Variants in PCDH15 observed in about 807,000 individuals in gnomAD.
PCDH15 encodes protocadherin related 15, also known as protocadherin-15.
PCDH15 carries 129 observed loss-of-function variants against 178.5 expected under a neutral mutation model. The observed-to-expected ratio is 0.72, with a 90% CI of 0.63 to 0.84. The LOEUF (loss-of-function observed/expected upper bound fraction) is 0.84. Among genes scored for constraint, PCDH15 ranks in the 40% least tolerant of loss-of-function variants. The probability of loss-of-function intolerance (pLI) is 0.00; values close to 1 mark genes in which losing one functional copy is unlikely to be tolerated. For synonymous variants in PCDH15, 800 were observed against 732.0 expected, an observed-to-expected ratio of 1.09 and a Z score of -1.50; for missense variants, 2,230 against 2,099.9, an observed-to-expected ratio of 1.06 and a Z score of -1.21.
At position 55,523,076 on chromosome 10, in the gene PCDH15, T is replaced by G. The variant is rs552436587; in HGVS notation, c.-156+104549A>C. Among the ~76,000 whole-genome samples, 316 of 151,836 alleles carry G rather than the reference T, an allele frequency of 2.1e-3. 4 individuals are homozygous for G. The highest frequency in any genetic ancestry group is 3.7e-3 in the Non-Finnish European group (252 of 67,766). Reference sequence around the variant, plus strand: ...ACTTCAACTTTGTCTTTCACAGTTTTAATGTTATGTCTCAGAGTAATCTTT... The same window carrying G: ...ACTTCAACTTTGTCTTTCACAGTTTGAATGTTATGTCTCAGAGTAATCTTT... On this transcript the variant is annotated intron_variant, in intron 2 of 5. Transcript: ENST00000613346.
intron 25 of PCDH15, among the ~76,000 whole-genome samples, chr10:53,933,193 C>T (rs1382680267): frequency 6.6e-6 from 1 of 151,530 alleles, no homozygotes; most frequent in African/African-American, 2.4e-5. Context: ...TATTATTATA[C>T]TTTAAGTTTT....
chr10:53,980,935 T>C (rs575283685), intron 21 of PCDH15, among the ~76,000 whole-genome samples: 17 of 152,308 alleles, frequency 1.1e-4, no homozygotes, highest in African/African-American at 4.1e-4. Flanking sequence ...TTAAATATTA[T>C]GTGGTTTCCA....
At chr10:54,011,087 C>G (rs2092567528) in intron 20 of PCDH15, among the ~76,000 whole-genome samples, 1 of 150,992 alleles carries the variant, frequency 6.6e-6, no homozygotes, top group Non-Finnish European at 1.5e-5. Flanking sequence ...GTTCTTTACC[C>G]AGCTCAGGCC....
At chr10:55,370,743 G>A (rs1188234512) in intron 2 of PCDH15, among the ~76,000 whole-genome samples, 8 of 152,078 alleles carry the variant, frequency 5.3e-5, no homozygotes. Flanking sequence ...TTGCTGAGCA[G>A]GCCAACTCTC....
chr10:53,827,758 A>C (rs767211887), intron 31 of PCDH15, among the ~76,000 whole-genome samples: 2 of 152,170 alleles, frequency 1.3e-5, no homozygotes, highest in Non-Finnish European at 2.9e-5. Flanking sequence ...GAAAATAGCT[A>C]TCTCTTGAAT....
At chr10:54,249,746 T>A (rs545213901) in intron 8 of PCDH15, among the ~76,000 whole-genome samples, 1 of 152,300 alleles carries the variant, frequency 6.6e-6, no homozygotes, top group African/African-American at 2.4e-5. Flanking sequence ...ATTATCTATT[T>A]TTTTTCAAGT....
intron 23 of PCDH15, among the ~76,000 whole-genome samples, chr10:53,951,563 A>G (rs892419290): frequency 6.6e-6 from 1 of 152,238 alleles, no homozygotes; most frequent in South Asian, 2.1e-4. Flanking sequence ...CAAATAAAAG[A>G]GAAACAATGC....
At chr10:54,166,790 A>T (rs2046277722) in intron 13 of PCDH15, among the ~76,000 whole-genome samples, 1 of 152,082 alleles carries the variant, frequency 6.6e-6, no homozygotes. Context: ...GCCCTGCCCC[A>T]CCTTAACTGA....
At chr10:55,518,640 A>G (rs1565216025) in intron 2 of PCDH15, among the ~76,000 whole-genome samples, 2 of 151,970 alleles carry the variant, frequency 1.3e-5, no homozygotes, top group African/African-American at 2.4e-5. Flanking sequence ...CTTCAGATGC[A>G]CTAAGATAGG....
At chr10:54,221,895 G>T (rs1464092475) in intron 9 of PCDH15, among the ~76,000 whole-genome samples, 1 of 152,168 alleles carries the variant, frequency 6.6e-6, no homozygotes, top group Non-Finnish European at 1.5e-5. Flanking sequence ...GAGCCACCCT[G>T]CCTGGCCTTA....
intron 21 of PCDH15, among the ~76,000 whole-genome samples, chr10:53,974,789 A>G (rs1391116784): frequency 6.6e-6 from 1 of 151,768 alleles, no homozygotes; most frequent in Non-Finnish European, 1.5e-5. Flanking sequence ...TTAAATTTCA[A>G]CTTTTATTTT....
At chr10:54,514,317 C>T (rs2081995640) in intron 3 of PCDH15, among the ~76,000 whole-genome samples, 1 of 151,966 alleles carries the variant, frequency 6.6e-6, no homozygotes, top group Admixed American at 6.6e-5. Flanking sequence ...ACACAGCTTC[C>T]TATCAGTGTT....
At chr10:55,588,831 T>C (rs1401931482) in intron 2 of PCDH15, among the ~76,000 whole-genome samples, 2 of 152,054 alleles carry the variant, frequency 1.3e-5, no homozygotes, top group East Asian at 1.9e-4. Flanking sequence ...CCTGTAATCC[T>C]AGCACTTTTG....
rs966973791 is a variant in PCDH15 at position 55,564,003 on chromosome 10, C to T, written c.-156+63622G>A. Among the ~76,000 whole-genome samples, 18 of 151,878 alleles carry T rather than the reference C, an allele frequency of 1.2e-4. No individual in the cohort carries two copies. In the East Asian group the frequency reaches 2.7e-3, roughly 23 times the overall value. On this transcript the variant is annotated intron_variant, in intron 2 of 5. Transcript: ENST00000613346. ...AAGTATATATCTCAGTAAAGGTAAA[C>T]GCATGGACAATATAAAAGCTAGTAT...
At chr10:54,040,266 T>G (rs1338537356) in intron 18 of PCDH15, among the ~76,000 whole-genome samples, 1 of 151,880 alleles carries the variant, frequency 6.6e-6, no homozygotes, top group African/African-American at 2.4e-5. Flanking sequence ...TGGGACCTGG[T>G]GGGAGATAAC....
At chr10:54,073,133 GTGTA>G (rs1047529307) in intron 17 of PCDH15, among the ~76,000 whole-genome samples, 235 of 151,532 alleles carry the variant, frequency 1.6e-3, no homozygotes, top group African/African-American at 5.5e-3. Flanking sequence ...ATATGTATGT[GTGTA>G]TGTATGTATA....
intron 19 of PCDH15, 81 bp downstream of exon 19, chr10:54,022,811 A>G (rs1385393325): frequency 7.3e-7 from 1 of 1,369,584 alleles, no homozygotes; most frequent in African/African-American, 1.4e-5. Flanking sequence ...TTGTATTGTT[A>G]CTTGCTAATT....
intron 2 of PCDH15, among the ~76,000 whole-genome samples, chr10:54,948,766 G>A (rs1371204210): frequency 1.3e-5 from 2 of 151,746 alleles, no homozygotes; most frequent in East Asian, 1.9e-4. Context: ...TATCATATTG[G>A]TTATGTTTAT....
At chr10:53,888,679 ATATATATATATATATATATATAT>A (rs148043443) in intron 26 of PCDH15, among the ~76,000 whole-genome samples, 1,135 of 36,172 alleles carry the variant, frequency 0.031, 121 homozygotes, top group African/African-American at 0.1. Flanking sequence ...ATATATATAT[ATATATATATATATATATATATAT>A]ATCTCCTGTG....
Sources: allele counts gnomAD v4.1 joint callset (sites outside exome capture counted in the v4.1 genomes callset), GRCh38; gene constraint gnomAD v4.1.1; transcripts MANE v1.5; gene names NCBI Gene and HGNC (gene_info 2026-07-23, HGNC 2026-07-21).